Variants in RBFOX1 observed in about 807,000 individuals in gnomAD.
The protein encoded by RBFOX1 is RNA binding protein fox-1 homolog 1.
Under a neutral mutation model 57.7 loss-of-function variants are expected in RBFOX1, and 8 were observed. The observed-to-expected ratio is 0.14, with a 90% confidence interval of 0.08 to 0.25. RBFOX1 has a LOEUF of 0.25. Among genes scored for constraint, RBFOX1 ranks in the 10% least tolerant of loss-of-function variants. RBFOX1 has a pLI of 1.00. For missense variants in RBFOX1, 611 were observed against 548.5 expected (o/e 1.11, Z -1.14); for synonymous variants, 326 against 222.4 (o/e 1.47, Z -4.15).
intron 1 of RBFOX1, among the ~76,000 whole-genome samples, chr16:5,258,438 C>G (rs1193288122): frequency 6.6e-6 from 1 of 152,114 alleles, no homozygotes; most frequent in African/African-American, 2.4e-5. Flanking sequence ...ATTGTCATAC[C>G]TAATCAAATT....
At chr16:7,312,802 C>T (rs11861673) in intron 4 of RBFOX1, among the ~76,000 whole-genome samples, 119,731 of 152,124 alleles carry the variant, frequency 0.79, 47,230 homozygotes, top group East Asian at 0.94. Flanking sequence ...TTCTGTGATG[C>T]CAGAGACTTG....
chr16:6,878,600 A>ATGT (rs2062292441), intron 3 of RBFOX1, among the ~76,000 whole-genome samples: 1 of 152,112 alleles, frequency 6.6e-6, no homozygotes, highest in Admixed American at 6.6e-5. Context: ...CAGTGTCCTC[A>ATGT]TGTGAACATT....
intron 4 of RBFOX1, among the ~76,000 whole-genome samples, chr16:7,306,329 C>A: frequency 6.6e-6 from 1 of 152,168 alleles, no homozygotes; most frequent in East Asian, 1.9e-4. Context: ...TTCTCAGCAT[C>A]TTCCAGGCAG....
intron 4 of RBFOX1, among the ~76,000 whole-genome samples, chr16:7,127,319 G>C (rs527431923): frequency 2.6e-5 from 4 of 152,258 alleles, no homozygotes; most frequent in African/African-American, 9.6e-5. Flanking sequence ...TTGGTCTCAA[G>C]AGAGAAGGTT....
intron 3 of RBFOX1, among the ~76,000 whole-genome samples, chr16:5,701,394 A>G (rs1294027836): frequency 6.6e-6 from 1 of 152,222 alleles, no homozygotes; most frequent in Non-Finnish European, 1.5e-5. Flanking sequence ...TGATGCCTCA[A>G]GCTTGTCTCC....
chr16:7,342,485 A>G (rs1568310607), intron 4 of RBFOX1, among the ~76,000 whole-genome samples: 1 of 152,250 alleles, frequency 6.6e-6, no homozygotes, highest in Non-Finnish European at 1.5e-5. Flanking sequence ...TACCAACGCC[A>G]CAACTGATTG....
intron 1 of RBFOX1, among the ~76,000 whole-genome samples, chr16:6,070,817 G>GC (rs200895934): frequency 0.028 from 4,142 of 149,304 alleles, 123 homozygotes; most frequent in South Asian, 0.12. Context: ...ACACACGCTC[G>GC]CCCCCCCCAC....
intron 1 of RBFOX1, among the ~76,000 whole-genome samples, chr16:6,074,268 C>T (rs2095870343): frequency 1.3e-5 from 2 of 152,090 alleles, no homozygotes; most frequent in Admixed American, 1.3e-4. Flanking sequence ...TTTCTCTCTC[C>T]CCCTCTCTGT....
At chr16:5,626,733 G>C (rs1011118340) in intron 3 of RBFOX1, among the ~76,000 whole-genome samples, 5 of 151,946 alleles carry the variant, frequency 3.3e-5, no homozygotes, top group Non-Finnish European at 5.9e-5. Flanking sequence ...TTACTTTCTG[G>C]TGATAGATCT....
At chr16:5,822,476 A>G (rs1410508828) in intron 3 of RBFOX1, among the ~76,000 whole-genome samples, 1 of 152,228 alleles carries the variant, frequency 6.6e-6, no homozygotes, top group Non-Finnish European at 1.5e-5. Flanking sequence ...AGTTATTTAT[A>G]ATTGAGTGGG....
At chr16:6,522,153 C>G (rs972343421) in intron 2 of RBFOX1, among the ~76,000 whole-genome samples, 8 of 122,092 alleles carry the variant, frequency 6.6e-5, no homozygotes, top group Non-Finnish European at 1.2e-4. Flanking sequence ...TGGGGACCCA[C>G]AGTGTGTGTG....
intron 4 of RBFOX1, among the ~76,000 whole-genome samples, chr16:7,218,788 T>C (rs942462581): frequency 6.6e-6 from 1 of 151,978 alleles, no homozygotes; most frequent in Non-Finnish European, 1.5e-5. Flanking sequence ...TCTCTTCTAC[T>C]GCACGATGCA....
intron 15 of RBFOX1, chr16:7,710,121 C>T (rs1173956221): frequency 9.9e-7 from 1 of 1,012,108 alleles, no homozygotes; most frequent in Non-Finnish European, 1.2e-6. Context: ...AGCAATTCAT[C>T]TGTACAACTC....
intron 11 of RBFOX1, among the ~76,000 whole-genome samples, chr16:7,641,339 C>T (rs2062755070): frequency 6.6e-6 from 1 of 152,130 alleles, no homozygotes; most frequent in African/African-American, 2.4e-5. Flanking sequence ...TCATATAAAC[C>T]CAGTAATGTA....
At chr16:7,216,445 G>A (rs12931847) in intron 4 of RBFOX1, among the ~76,000 whole-genome samples, 30,399 of 152,090 alleles carry the variant, frequency 0.2, 3,456 homozygotes, top group Non-Finnish European at 0.24. Context: ...GCTTGAGACC[G>A]AAAGTTCTAG....
rs2062248997 is a variant in RBFOX1 at position 7,474,622 on chromosome 16, A to G, written c.28-43525A>G. On this transcript the variant is annotated intron_variant, in intron 4 of 15. Coordinates refer to ENST00000550418, the MANE Select transcript of RBFOX1 (RefSeq NM_018723.4). ...TTACTTTTGCACCAAGCTAATATTA[A>G]GGAGCCTGGCTCTAAAGTCGGACTG... 2.6e-5 allele frequency among the ~76,000 whole-genome samples: 4 copies of G among 152,364 alleles called. No individual in the cohort carries two copies. In the South Asian group the frequency reaches 8.3e-4, roughly 32 times the overall value.
At chr16:6,112,430 C>A (rs1211678267) in intron 1 of RBFOX1, among the ~76,000 whole-genome samples, 1 of 152,184 alleles carries the variant, frequency 6.6e-6, no homozygotes, top group Non-Finnish European at 1.5e-5. Flanking sequence ...GTGACTCACG[C>A]CTGTAATCCC....
rs1433117118 is a variant in RBFOX1, at chr16:5,333,244, A to G, written c.219+93139A>G. Reference sequence around the variant, plus strand: ...AAAGATAAGATTGATCATTAAATGCAGGGGCTGACAAACCATGGTCTGTGA... The same window carrying G: ...AAAGATAAGATTGATCATTAAATGCGGGGGCTGACAAACCATGGTCTGTGA... On this transcript the variant is annotated intron_variant, in intron 1 of 2. Transcript: ENST00000585867. 2.0e-5 allele frequency among the ~76,000 whole-genome samples: 3 copies of G among 152,214 alleles called. No homozygotes were observed. The East Asian group carries it at 5.8e-4, about 29-fold the overall frequency.
chr16:6,887,911 C>A (rs1172384021), intron 3 of RBFOX1, among the ~76,000 whole-genome samples: 1 of 152,148 alleles, frequency 6.6e-6, no homozygotes, highest in Non-Finnish European at 1.5e-5. Flanking sequence ...ATCCACCCGT[C>A]ATGGCCTCCC....
Sources: gnomAD v4.1 joint callset for allele counts (sites outside exome capture counted in the v4.1 genomes callset) on GRCh38, gnomAD v4.1.1 for gene constraint, MANE v1.5 for transcripts, NCBI Gene and HGNC (gene_info 2026-07-23, HGNC 2026-07-21) for gene names.